DPP8: variants seen among roughly 807,000 people sequenced by gnomAD.
The protein encoded by DPP8 is dipeptidyl peptidase 8, also known as DPP VIII.
A neutral mutation model predicts 107.5 loss-of-function variants in DPP8; 31 were observed. That is an observed-to-expected ratio of 0.29 (90% CI 0.22 to 0.39). The LOEUF is 0.39. Among genes scored for constraint, DPP8 ranks in the 10% least tolerant of loss-of-function variants. DPP8 has a pLI of 1.00. For missense variants in DPP8, 842 were observed against 1,076.1 expected (o/e 0.78, Z 3.04); for synonymous variants, 381 against 356.6 (o/e 1.07, Z -0.77).
intron 5 of DPP8, 30 bp downstream of exon 5, chr15:65,497,833 AG>A (rs2068759861): frequency 1.4e-6 from 2 of 1,414,102 alleles, no homozygotes; most frequent in Non-Finnish European, 1.9e-6. Flanking sequence ...AATACTGTTC[AG>A]AAAAGTAAAT....
chr15:65,449,503 G>C (rs990063389), intron 19 of DPP8, among the ~76,000 whole-genome samples: 2 of 151,452 alleles, frequency 1.3e-5, no homozygotes, highest in African/African-American at 4.9e-5. Context: ...TCTGCCTCCC[G>C]GGTTCAAGCA....
chr15:65,469,550 G>A (rs553961722), intron 12 of DPP8, among the ~76,000 whole-genome samples: 2 of 150,568 alleles, frequency 1.3e-5, no homozygotes, highest in Admixed American at 6.6e-5. Context: ...CTACTCAGGA[G>A]GCTGAGACAG....
In DPP8 at chr15:65,492,118, G is replaced by C. The variant is rs138234483; in HGVS notation, c.716-1819C>G. ...ACACTTTGGGAGGCTGAGGAGGGCA[G>C]ACTGCTTGAGCTCAGGAGTTTGAGA... On this transcript the variant is annotated intron_variant, in intron 5 of 19. Coordinates refer to ENST00000300141, the MANE Select transcript of DPP8 (RefSeq NM_130434.5). 7.5e-3 allele frequency among the ~76,000 whole-genome samples: 1,145 copies of C among 152,016 alleles called. 14 individuals carry two copies. The highest frequency in any genetic ancestry group is 0.026 in the African/African-American group (1,093 of 41,530).
chr15:65,462,670 C>T lies in DPP8; in HGVS notation c.1971+1091G>A, dbSNP rs111942471. ...TCTCGGCTCACCGCAACCTCTGACT[C>T]CCTGGTTCAAGCGATTCTCCTGCCT... is the stretch of plus-strand genomic sequence containing the variant. On this transcript the variant is annotated intron_variant, in intron 15 of 19. Coordinates refer to ENST00000300141, the MANE Select transcript of DPP8 (RefSeq NM_130434.5). Among the ~76,000 whole-genome samples, 1,321 of 152,188 alleles carry T rather than the reference C, an allele frequency of 8.7e-3. 25 individuals carry two copies. Among genetic ancestry groups the T allele is most frequent in the African/African-American group, 0.031 (1,275 of 41,512 alleles).
intron 6 of DPP8, among the ~76,000 whole-genome samples, chr15:65,488,948 ATTAAGG>A (rs2067717640): frequency 6.6e-6 from 1 of 152,018 alleles, no homozygotes; most frequent in African/African-American, 2.4e-5. Context: ...ATAGCAACAC[ATTAAGG>A]TGTGGTTTTT....
intron 15 of DPP8, among the ~76,000 whole-genome samples, chr15:65,463,406 G>C (rs2065078727): frequency 1.3e-5 from 2 of 152,164 alleles, no homozygotes; most frequent in Non-Finnish European, 2.9e-5. Context: ...GCTGGGCATG[G>C]TGATGTATGC....
In DPP8 at chr15:65,517,651, A is replaced by C. The variant is rs558086799; in HGVS notation, c.-177T>G. 5.2e-5 allele frequency: 8 copies of C among 152,586 alleles called. No individual in the cohort carries two copies. The East Asian group carries it at 1.5e-3, about 29-fold the overall frequency. The allele number at this position is 152,586 out of a possible 1,614,324, so 9.5% of individuals were successfully genotyped here. On this transcript the variant is annotated 5_prime_UTR_variant, in exon 1 of 20. Coordinates refer to ENST00000300141, the MANE Select transcript of DPP8 (RefSeq NM_130434.5). ...CGCGGCACTAAGAAGCAGCGGCGGC[A>C]GTAGCAGCGGCCTTGGCCTCGGAGG...
intron 5 of DPP8, among the ~76,000 whole-genome samples, chr15:65,496,724 C>G (rs1309094721): frequency 6.6e-6 from 1 of 151,578 alleles, no homozygotes; most frequent in Non-Finnish European, 1.5e-5. Flanking sequence ...AATCACGTTT[C>G]ACTTTAGCCT....
At chr15:65,453,576 C>A (rs1475686523) in intron 17 of DPP8, among the ~76,000 whole-genome samples, 1 of 151,894 alleles carries the variant, frequency 6.6e-6, no homozygotes, top group East Asian at 1.9e-4. Context: ...CAAGACCAGC[C>A]TAGCCAACAT....
intron 5 of DPP8, among the ~76,000 whole-genome samples, chr15:65,491,622 GTAGT>G (rs1426217328): frequency 6.6e-6 from 1 of 152,204 alleles, no homozygotes; most frequent in African/African-American, 2.4e-5. Context: ...ACATGTGTCA[GTAGT>G]TAGTTGCTGT....
chr15:65,490,116 G>C, intron 6 of DPP8, 73 bp downstream of exon 6: 3 of 781,958 alleles, frequency 3.8e-6, no homozygotes, highest in Non-Finnish European at 6.7e-6. Flanking sequence ...ATTTAGAACT[G>C]TGCACTTAAA....
intron 10 of DPP8, 109 bp downstream of exon 10, chr15:65,480,113 T>C (rs1041986918): frequency 2.1e-5 from 18 of 863,092 alleles, no homozygotes; most frequent in African/African-American, 6.8e-5. Context: ...AGAAATAACA[T>C]GGTCCCTTTA....
At chr15:65,464,970 T>C (rs1045628373) in intron 14 of DPP8, among the ~76,000 whole-genome samples, 6 of 152,004 alleles carry the variant, frequency 3.9e-5, no homozygotes, top group African/African-American at 1.4e-4. Context: ...CATTAGAAAA[T>C]AAGCCTAACC....
At chr15:65,500,007 C>T (rs2069034211) in intron 4 of DPP8, among the ~76,000 whole-genome samples, 1 of 152,162 alleles carries the variant, frequency 6.6e-6, no homozygotes, top group Non-Finnish European at 1.5e-5. Context: ...GTGATCCTCC[C>T]ACCTCAGACT....
intron 11 of DPP8, among the ~76,000 whole-genome samples, chr15:65,478,594 C>A (rs973323486): frequency 2.0e-5 from 3 of 152,224 alleles, no homozygotes; most frequent in South Asian, 2.1e-4. Context: ...TCACTTTAAA[C>A]AAATTAAAAA....
In DPP8 at chr15:65,444,227, C is replaced by T. The variant is rs2063408233; in HGVS notation, c.*2657G>A. ...AGCCACCATGCCTAGCCTGGGAATA[C>T]ACATTTTTAAGAGTGAGATTCAAAA... On this transcript the variant is annotated 3_prime_UTR_variant, in exon 20 of 20. Transcript: ENST00000300141. 6.6e-6 allele frequency: 1 copy of T among 152,134 alleles called. No homozygotes were observed. Among genetic ancestry groups the T allele is most frequent in the African/African-American group, 2.4e-5 (1 of 41,418 alleles). The allele number at this position is 152,134 out of a possible 1,614,324, so 9.4% of individuals were successfully genotyped here.
In DPP8 at chr15:65,444,977, CAATTT is replaced by C. The variant is rs1471148106; in HGVS notation, c.*1902_*1906del. ...TCTTGGGGAAGAAAGTTACCCAAAT[CAATTT>C]AATTTAACATTGAAAATATATATAA... On this transcript the variant is annotated 3_prime_UTR_variant, in exon 20 of 20. Coordinates refer to ENST00000300141, the MANE Select transcript of DPP8 (RefSeq NM_130434.5). 22 of 152,116 alleles carry C rather than the reference CAATTT, an allele frequency of 1.4e-4. No individual in the cohort carries two copies. Among genetic ancestry groups the C allele is most frequent in the Admixed American group, 1.2e-3 (19 of 15,258 alleles). 9.4% of individuals were successfully genotyped at this position (152,116 alleles called of 1,614,324 possible).
intron 12 of DPP8, among the ~76,000 whole-genome samples, chr15:65,472,904 G>C (rs748751594): frequency 4.6e-5 from 7 of 152,122 alleles, no homozygotes; most frequent in Admixed American, 2.0e-4. Context: ...TGGGTGTGGT[G>C]GTGTGTGCCT....
At chr15:65,517,278 G>A (rs1431262149) in intron 1 of DPP8, 4 of 152,510 alleles carry the variant, frequency 2.6e-5, no homozygotes, top group African/African-American at 4.8e-5. Flanking sequence ...GAATCTCAGA[G>A]CCTCGGCTTC....
Sources: gnomAD v4.1 joint callset for allele counts (sites outside exome capture counted in the v4.1 genomes callset) on GRCh38, gnomAD v4.1.1 for gene constraint, MANE v1.5 for transcripts, NCBI Gene and HGNC (gene_info 2026-07-23, HGNC 2026-07-21) for gene names.